PLEK2: variants seen among roughly 807,000 people sequenced by gnomAD.
PLEK2 encodes pleckstrin 2.
In PLEK2, 29 loss-of-function variants were observed where a neutral mutation model predicts 43.8. The ratio of observed to expected loss-of-function variants is 0.66; its 90% CI spans 0.49 to 0.90. The LOEUF (loss-of-function observed/expected upper bound fraction) is 0.90. Ranked by LOEUF, PLEK2 falls within the 40% of genes least tolerant of loss-of-function variation. The probability of loss-of-function intolerance (pLI) is 0.00; values close to 1 mark genes in which losing one functional copy is unlikely to be tolerated. For synonymous variants in PLEK2, 162 were observed against 173.2 expected (o/e 0.94, Z 0.51); for missense variants, 398 against 448.1 (o/e 0.89, Z 1.01).
chr14:67,390,993 G>A (rs1595654974), intron 6 of PLEK2, among the ~76,000 whole-genome samples: 1 of 152,220 alleles, frequency 6.6e-6, no homozygotes, highest in East Asian at 1.9e-4. Flanking sequence ...GCCAAAGAGA[G>A]TCCATGCAGA....
chr14:67,404,009 C>T (rs191366930), intron 1 of PLEK2, among the ~76,000 whole-genome samples: 167 of 152,130 alleles, frequency 1.1e-3, no homozygotes, highest in African/African-American at 3.8e-3. Context: ...GCTGTGATTG[C>T]GCTACCACAC....
At chr14:67,398,140 C>T (rs958084596) in intron 1 of PLEK2, 7 of 230,314 alleles carry the variant, frequency 3.0e-5, no homozygotes, top group East Asian at 1.8e-4. Flanking sequence ...TATTTCCTTC[C>T]GGTCTTTTTT....
intron 6 of PLEK2, among the ~76,000 whole-genome samples, 194 bp downstream of exon 6, chr14:67,392,130 CAT>C (rs1037781993): frequency 1.4e-4 from 22 of 152,266 alleles, no homozygotes; most frequent in East Asian, 5.8e-4. Context: ...GTCTGGTACA[CAT>C]GTGTGTGTGA....
intron 3 of PLEK2, 27 bp downstream of exon 3, chr14:67,395,375 A>T: frequency 6.2e-7 from 1 of 1,605,526 alleles, no homozygotes; most frequent in Non-Finnish European, 8.5e-7. Context: ...AGAGGCTGCC[A>T]CAGAGCCCGG....
At chr14:67,411,555 C>G (rs2086115156) in intron 1 of PLEK2, among the ~76,000 whole-genome samples, 1 of 152,134 alleles carries the variant, frequency 6.6e-6, no homozygotes, top group African/African-American at 2.4e-5. Context: ...TTCGTTTTCC[C>G]CCTTGATGAA....
intron 1 of PLEK2, among the ~76,000 whole-genome samples, chr14:67,399,771 C>G (rs1248939033): frequency 1.3e-5 from 2 of 152,152 alleles, no homozygotes; most frequent in South Asian, 2.1e-4. Flanking sequence ...TTAGGTGGCT[C>G]TCAAGTGGGT....
chr14:67,396,151 TTTTG>T (rs1395872896), intron 2 of PLEK2, among the ~76,000 whole-genome samples: 5 of 151,890 alleles, frequency 3.3e-5, no homozygotes, highest in African/African-American at 1.2e-4. Flanking sequence ...TTGTTTTGTT[TTTTG>T]TTTTTTTCTT....
intron 1 of PLEK2, among the ~76,000 whole-genome samples, chr14:67,399,333 G>A (rs1358266950): frequency 6.6e-6 from 1 of 151,198 alleles, no homozygotes; most frequent in Admixed American, 6.6e-5. Context: ...TCAGGTGGCA[G>A]GAATAAAGAG....
At chr14:67,405,338 A>G (rs2139890753) in intron 1 of PLEK2, among the ~76,000 whole-genome samples, 1 of 152,258 alleles carries the variant, frequency 6.6e-6, no homozygotes, top group African/African-American at 2.4e-5. Flanking sequence ...GAAAAAATGA[A>G]TTTAAATTTA....
At chr14:67,389,700 T>G (rs2085953091) in intron 7 of PLEK2, among the ~76,000 whole-genome samples, 1 of 152,078 alleles carries the variant, frequency 6.6e-6, no homozygotes, top group African/African-American at 2.4e-5. Context: ...GACAGCAGAC[T>G]CATCAGGGGC....
Position 67,395,534 on chromosome 14 carries a change from G to A in PLEK2, c.257C>T (p.Ala86Val), listed in dbSNP as rs1481193687. Residue 86 changes from alanine to valine, a missense_variant, in exon 3 of 9, where the codon GCC becomes GTC. Coordinates refer to ENST00000216446, the MANE Select transcript of PLEK2 (RefSeq NM_016445.3). ...GGCATCCCGCTCCTCTCGAGAACAG[G>A]CCTCCAGGAAGTACTCCGTGGATGT... Reference protein sequence around the residue: ...TQTSTEYFLEACSREERDAWA... With the variant: ...TQTSTEYFLEVCSREERDAWA... The A allele has an allele frequency of 1.9e-6, 3 of 1,614,146 alleles. No individual in the cohort carries two copies. The highest frequency in any genetic ancestry group is 1.3e-5 in the African/African-American group (1 of 75,042).
At chr14:67,408,379 A>T (rs1332226764) in intron 1 of PLEK2, among the ~76,000 whole-genome samples, 1 of 151,788 alleles carries the variant, frequency 6.6e-6, no homozygotes, top group Non-Finnish European at 1.5e-5. Flanking sequence ...CAAAGATGGG[A>T]TGATACTTGC....
Position 67,412,090 on chromosome 14 carries a change from G to A in PLEK2, c.-31C>T. ...CGCCCGCACGCCAGGGCCACCCCAG[G>A]TGCGCCTTCCCCGCGCCTCGCGCTC... On this transcript the variant is annotated 5_prime_UTR_variant, in exon 1 of 9. Transcript: ENST00000216446. The A allele has an allele frequency of 1.3e-6, 2 of 1,500,224 alleles. No individual in the cohort carries two copies. The highest frequency in any genetic ancestry group is 2.5e-5 in the South Asian group (2 of 78,742). 92.9% of individuals were successfully genotyped at this position (1,500,224 alleles called of 1,614,324 possible).
chr14:67,387,124 T>C lies in PLEK2; in HGVS notation c.*205A>G. ...AGATGCTGACGCCTAATGGCTGTTCTAGCCTTTCCAGGTTTGTAACATGAA... is the reference window on the plus strand; with the variant it reads ...AGATGCTGACGCCTAATGGCTGTTCCAGCCTTTCCAGGTTTGTAACATGAA... On this transcript the variant is annotated 3_prime_UTR_variant, in exon 9 of 9. Transcript: ENST00000216446. 1 of 458,448 alleles carries C rather than the reference T, an allele frequency of 2.2e-6. No homozygotes were observed. The highest frequency in any genetic ancestry group is 3.1e-5 in the South Asian group (1 of 32,186). The allele number at this position is 458,448 out of a possible 1,614,324, so 28.4% of individuals were successfully genotyped here.
At position 67,412,065 on chromosome 14, in the gene PLEK2, C is replaced by A; in HGVS notation, c.-6G>T. The stretch of plus-strand genomic sequence containing the variant: ...TTGAGCACGCCGTCCTCCATGTCGC[C>A]GCCCGCACGCCAGGGCCACCCCAGG... On this transcript the variant is annotated 5_prime_UTR_variant, in exon 1 of 9. Transcript: ENST00000216446. 1.3e-6 allele frequency: 2 copies of A among 1,545,110 alleles called. No individual in the cohort carries two copies. The highest frequency in any genetic ancestry group is 1.9e-5 in the Admixed American group (1 of 51,828).
rs746207908 is a variant in PLEK2 at position 67,395,591 on chromosome 14, AAG to A, written c.208-10_208-9del. 1.3e-3 allele frequency: 2,042 copies of A among 1,613,814 alleles called. 4 individuals are homozygous for A. Among genetic ancestry groups the A allele is most frequent in the Non-Finnish European group, 1.5e-3 (1,769 of 1,179,762 alleles). On this transcript the variant is annotated splice_polypyrimidine_tract_variant and intron_variant, in intron 2 of 8. Coordinates refer to ENST00000216446, the MANE Select transcript of PLEK2 (RefSeq NM_016445.3). ...CTTCAGCTTAATGAGGAGCTGTGGG[AAG>A]AGAGAGCCAGTCAGGCCAGCACTCA... is the stretch of plus-strand genomic sequence containing the variant.
chr14:67,387,361 C>G lies in PLEK2; in HGVS notation c.1030G>C (p.Glu344Gln). 6.2e-7 allele frequency: 1 copy of G among 1,611,234 alleles called. No homozygotes were observed. Among genetic ancestry groups the G allele is most frequent in the South Asian group, 1.1e-5 (1 of 90,318 alleles). The change falls in exon 9 of 9, where the codon GAG (glutamate) becomes CAG (glutamine). Residue 344 changes from glutamate to glutamine, a missense_variant. Transcript: ENST00000216446. ...IQASSKAERA[E>Q]WIEAIKKLT ...AGCTTTTTGATAGCTTCAATCCACT[C>G]GGCTCGCTCAGCCTTGCTGCTGGCC...
At chr14:67,398,105 G>A in intron 1 of PLEK2, 2 of 303,032 alleles carry the variant, frequency 6.6e-6, no homozygotes, top group Non-Finnish European at 1.2e-5. Context: ...CCTACTGCTA[G>A]GAGACAGCCA....
chr14:67,404,178 C>T (rs1164448494), intron 1 of PLEK2, among the ~76,000 whole-genome samples: 8 of 152,090 alleles, frequency 5.3e-5, no homozygotes, highest in Non-Finnish European at 1.0e-4. Flanking sequence ...CAACATAGTG[C>T]CTGGTGTAGC....
Sources: gnomAD v4.1 joint callset for allele counts (sites outside exome capture counted in the v4.1 genomes callset) on GRCh38, gnomAD v4.1.1 for gene constraint, MANE v1.5 for transcripts, NCBI Gene and HGNC (gene_info 2026-07-23, HGNC 2026-07-21) for gene names.